Variants in CYP7B1 observed in about 807,000 individuals in gnomAD.
CYP7B1 encodes cytochrome P450 family 7 subfamily B member 1, also known as cytochrome P450 7B1.
Under a neutral mutation model 42.7 loss-of-function variants are expected in CYP7B1, and 29 were observed. The ratio of observed to expected loss-of-function variants is 0.68; its 90% CI spans 0.51 to 0.93. The LOEUF (loss-of-function observed/expected upper bound fraction) is 0.93. Ranked by LOEUF, CYP7B1 falls within the 40% of genes least tolerant of loss-of-function variation. The pLI is 0.00. For missense variants in CYP7B1, 655 were observed against 600.5 expected, an observed-to-expected ratio of 1.09 and a Z score of -0.95; for synonymous variants, 235 against 218.2, an observed-to-expected ratio of 1.08 and a Z score of -0.68.
chr8:64,734,716 A>G (rs892308833), intron 1 of CYP7B1, among the ~76,000 whole-genome samples: 8 of 152,150 alleles, frequency 5.3e-5, no homozygotes, highest in African/African-American at 1.9e-4. Flanking sequence ...CCTATATATC[A>G]TGTGAAGATT....
At chr8:64,780,784 T>C (rs1427135808) in intron 1 of CYP7B1, among the ~76,000 whole-genome samples, 1 of 152,134 alleles carries the variant, frequency 6.6e-6, no homozygotes, top group Non-Finnish European at 1.5e-5. Context: ...GCTCTCTCTA[T>C]TATTTTTGGG....
intron 1 of CYP7B1, among the ~76,000 whole-genome samples, chr8:64,720,927 G>C (rs903341126): frequency 6.6e-6 from 1 of 151,008 alleles, no homozygotes; most frequent in Non-Finnish European, 1.5e-5. Context: ...ACTAACAAAG[G>C]CTTTTTTTCT....
intron 1 of CYP7B1, among the ~76,000 whole-genome samples, chr8:64,703,270 G>C (rs1035585237): frequency 6.6e-6 from 1 of 151,898 alleles, no homozygotes; most frequent in African/African-American, 2.4e-5. Flanking sequence ...TATTCAAAAG[G>C]AGAAAAATAA....
intron 1 of CYP7B1, among the ~76,000 whole-genome samples, chr8:64,787,841 G>A (rs1217641995): frequency 1.3e-5 from 2 of 152,002 alleles, no homozygotes; most frequent in Non-Finnish European, 2.9e-5. Flanking sequence ...CTGCATGGCT[G>A]GGGGGCCTCA....
downstream of CYP7B1, among the ~76,000 whole-genome samples, chr8:64,586,877 G>A (rs1804975204): frequency 6.6e-6 from 1 of 152,214 alleles, no homozygotes; most frequent in Non-Finnish European, 1.5e-5. Flanking sequence ...AAGCCAATGA[G>A]CTGCAGGTTT....
At chr8:64,792,906 G>A (rs961940582) in intron 1 of CYP7B1, among the ~76,000 whole-genome samples, 3 of 152,124 alleles carry the variant, frequency 2.0e-5, no homozygotes, top group Non-Finnish European at 4.4e-5. Context: ...GGGGCTCAGA[G>A]GGAAGACTTT....
intron 1 of CYP7B1, among the ~76,000 whole-genome samples, chr8:64,735,437 G>T (rs1807473007): frequency 6.6e-6 from 1 of 152,124 alleles, no homozygotes; most frequent in Non-Finnish European, 1.5e-5. Context: ...ACAAGAGAAG[G>T]TGTCTATTTA....
At chr8:64,703,056 T>A (rs1290705643) in intron 1 of CYP7B1, among the ~76,000 whole-genome samples, 1 of 152,064 alleles carries the variant, frequency 6.6e-6, no homozygotes, top group East Asian at 1.9e-4. Flanking sequence ...GAGACTGGAA[T>A]AAGCTGTAAA....
intron 1 of CYP7B1, among the ~76,000 whole-genome samples, chr8:64,725,450 T>C (rs1807309689): frequency 6.6e-6 from 1 of 152,220 alleles, no homozygotes; most frequent in South Asian, 2.1e-4. Flanking sequence ...TGTGAAATCA[T>C]GCATTTAAAA....
chr8:64,662,409 T>A (rs1806213187), intron 1 of CYP7B1, among the ~76,000 whole-genome samples: 3 of 152,176 alleles, frequency 2.0e-5, no homozygotes, highest in African/African-American at 7.2e-5. Context: ...TTAGGCACAG[T>A]GCTAAATGCT....
intron 1 of CYP7B1, among the ~76,000 whole-genome samples, chr8:64,668,781 C>T (rs1039601117): frequency 6.7e-6 from 1 of 149,454 alleles, no homozygotes; most frequent in Non-Finnish European, 1.5e-5. Context: ...ACTGCCAAAC[C>T]TGTCAATTTA....
In CYP7B1 at chr8:64,773,973, T is replaced by C. The variant is rs571729929; in HGVS notation, c.122+24493A>G. On this transcript the variant is annotated intron_variant, in intron 1 of 5. Coordinates refer to ENST00000310193, the MANE Select transcript of CYP7B1 (RefSeq NM_004820.5). ...AACATTAAGTCATACGTAAGGGAAG[T>C]GGGATTAAGTTTCTAACACATGACC... Among the ~76,000 whole-genome samples the C allele has an allele frequency of 4.6e-4, 70 of 152,318 alleles. No individual in the cohort carries two copies. The South Asian group carries it at 0.014, about 30-fold the overall frequency.
chr8:64,625,075 G>T (rs1003623178), intron 1 of CYP7B1, among the ~76,000 whole-genome samples: 3 of 138,442 alleles, frequency 2.2e-5, no homozygotes, highest in African/African-American at 8.0e-5. Context: ...CCGGGTTCAC[G>T]CCATTCTCCC....
intron 4 of CYP7B1, among the ~76,000 whole-genome samples, chr8:64,607,689 A>C (rs1052316168): frequency 6.6e-6 from 1 of 152,192 alleles, no homozygotes; most frequent in African/African-American, 2.4e-5. Context: ...AAAACAGGGG[A>C]CTGCAGGTAA....
rs556671936 is a variant in CYP7B1 at position 64,713,380 on chromosome 8, A to C, written c.122+85086T>G. Among the ~76,000 whole-genome samples the C allele has an allele frequency of 2.2e-3, 339 of 152,282 alleles. 2 individuals are homozygous for C. The highest frequency in any genetic ancestry group is 8.0e-3 in the African/African-American group (331 of 41,572). On this transcript the variant is annotated intron_variant, in intron 1 of 5. Transcript: ENST00000310193. Reference sequence around the variant, plus strand: ...GCAGGAAAACATAGAGGAAAAAAAAAATCAATCTATCAATAAAAGCAGGCT... The same window carrying C: ...GCAGGAAAACATAGAGGAAAAAAAACATCAATCTATCAATAAAAGCAGGCT...
intron 1 of CYP7B1, among the ~76,000 whole-genome samples, chr8:64,797,433 T>C (rs1804721148): frequency 6.6e-6 from 1 of 152,170 alleles, no homozygotes; most frequent in Admixed American, 6.5e-5. Flanking sequence ...AGTCCTCATC[T>C]TGGGCTCTAA....
chr8:64,744,554 A>G (rs1807615842), intron 1 of CYP7B1, among the ~76,000 whole-genome samples: 1 of 152,186 alleles, frequency 6.6e-6, no homozygotes, highest in African/African-American at 2.4e-5. Context: ...AATTGTGGAT[A>G]ACTAAGATAG....
chr8:64,645,934 A>T (rs1037842254), intron 1 of CYP7B1, among the ~76,000 whole-genome samples: 1 of 152,220 alleles, frequency 6.6e-6, no homozygotes, highest in Admixed American at 6.5e-5. Context: ...CCTGAGGAAA[A>T]AAAAGCAATG....
At chr8:64,613,920 G>T (rs575300941) in intron 4 of CYP7B1, among the ~76,000 whole-genome samples, 37 of 152,188 alleles carry the variant, frequency 2.4e-4, no homozygotes, top group African/African-American at 8.7e-4. Flanking sequence ...CTCCTGAAAG[G>T]TCCCATTAAA....
Sources: allele counts gnomAD v4.1 joint callset (sites outside exome capture counted in the v4.1 genomes callset), GRCh38; gene constraint gnomAD v4.1.1; transcripts MANE v1.5; gene names NCBI Gene and HGNC (gene_info 2026-07-23, HGNC 2026-07-21).